Variants in GRID2 observed in about 807,000 individuals in gnomAD.
GRID2 encodes the protein glutamate ionotropic receptor delta type subunit 2, also known as glutamate receptor ionotropic, delta-2.
GRID2 carries 33 observed loss-of-function variants against 114.8 expected under a neutral mutation model. That is an observed-to-expected ratio of 0.29 (90% CI 0.22 to 0.38). The LOEUF (loss-of-function observed/expected upper bound fraction) is 0.38, where lower values mean the gene tolerates loss of function less well. GRID2 is among the 10% of genes least tolerant of loss of function. The pLI, the probability that GRID2 is intolerant of heterozygous loss-of-function variation, is 1.00. For synonymous variants in GRID2, 505 were observed against 449.9 expected, an observed-to-expected ratio of 1.12 and a Z score of -1.55; for missense variants, 1,184 against 1,257.7, an observed-to-expected ratio of 0.94 and a Z score of 0.89.
intron 8 of GRID2, among the ~76,000 whole-genome samples, chr4:93,368,255 A>C (rs1017788366): frequency 6.6e-6 from 1 of 152,150 alleles, no homozygotes; most frequent in Non-Finnish European, 1.5e-5. Flanking sequence ...GAAATAAAAA[A>C]AGTATCTAGA....
intron 13 of GRID2, among the ~76,000 whole-genome samples, chr4:93,596,664 A>G (rs1257308019): frequency 3.9e-5 from 6 of 152,232 alleles, no homozygotes; most frequent in African/African-American, 1.4e-4. Flanking sequence ...AGATGCAAGT[A>G]AAAATTACGT....
chr4:93,628,815 C>T (rs1443830075), intron 14 of GRID2, among the ~76,000 whole-genome samples: 1 of 148,114 alleles, frequency 6.8e-6, no homozygotes, highest in Non-Finnish European at 1.5e-5. Context: ...ACCCAGGCTG[C>T]AGTGCAGTGG....
intron 13 of GRID2, among the ~76,000 whole-genome samples, chr4:93,625,689 G>A (rs934362079): frequency 2.0e-5 from 3 of 152,234 alleles, no homozygotes; most frequent in African/African-American, 7.2e-5. Context: ...GCCGAGGCGG[G>A]CGGATTACGA....
At chr4:93,543,525 T>C (rs946960194) in intron 13 of GRID2, among the ~76,000 whole-genome samples, 1 of 152,080 alleles carries the variant, frequency 6.6e-6, no homozygotes, top group Admixed American at 6.6e-5. Flanking sequence ...CATGAATGAG[T>C]GAAAATAAAA....
intron 1 of GRID2, among the ~76,000 whole-genome samples, chr4:92,565,698 G>A (rs576256477): frequency 6.6e-6 from 1 of 152,024 alleles, no homozygotes; most frequent in East Asian, 1.9e-4. Flanking sequence ...TACTCCTATA[G>A]TGTGTGCTAA....
chr4:92,998,814 G>T (rs1053839208), intron 2 of GRID2, among the ~76,000 whole-genome samples: 10 of 150,650 alleles, frequency 6.6e-5, no homozygotes, highest in African/African-American at 2.4e-4. Context: ...TTATGTTAAA[G>T]AGGATCATTT....
chr4:92,345,498 T>C (rs1262158390), intron 1 of GRID2, among the ~76,000 whole-genome samples: 1 of 152,224 alleles, frequency 6.6e-6, no homozygotes, highest in East Asian at 1.9e-4. Context: ...GATGGACTGA[T>C]AGTTCTACTT....
intron 2 of GRID2, among the ~76,000 whole-genome samples, chr4:92,656,193 A>G (rs537460976): frequency 6.6e-6 from 1 of 151,822 alleles, no homozygotes; most frequent in Admixed American, 6.6e-5. Flanking sequence ...ACATCCTCAC[A>G]CTGACTAGCT....
chr4:92,366,266 A>G (rs577499924), intron 1 of GRID2, among the ~76,000 whole-genome samples: 1 of 152,032 alleles, frequency 6.6e-6, no homozygotes, highest in Non-Finnish European at 1.5e-5. Context: ...AGTTTCCCAT[A>G]TTACATTCCT....
chr4:93,803,987 G>A (rs757093952), intron 1 of GRID2, among the ~76,000 whole-genome samples: 1 of 152,102 alleles, frequency 6.6e-6, no homozygotes, highest in Non-Finnish European at 1.5e-5. Flanking sequence ...TATCTTCAAT[G>A]TTAGGGAGAA....
intron 14 of GRID2, among the ~76,000 whole-genome samples, chr4:93,749,970 G>A (rs1336119001): frequency 3.9e-5 from 6 of 152,210 alleles, no homozygotes; most frequent in Admixed American, 1.3e-4. Context: ...TGCAGGTGAA[G>A]AGATAGGTGC....
At chr4:93,293,824 T>A (rs1359326263) in intron 8 of GRID2, among the ~76,000 whole-genome samples, 1 of 152,168 alleles carries the variant, frequency 6.6e-6, no homozygotes, top group Non-Finnish European at 1.5e-5. Flanking sequence ...TACTATTTAT[T>A]GCGTGCCTAC....
chr4:93,143,877 C>G (rs901689170), intron 4 of GRID2, among the ~76,000 whole-genome samples: 2 of 151,918 alleles, frequency 1.3e-5, no homozygotes, highest in African/African-American at 4.8e-5. Flanking sequence ...GAGCCATGTT[C>G]TAAGTGATTT....
intron 9 of GRID2, among the ~76,000 whole-genome samples, chr4:93,403,794 C>T (rs1163341715): frequency 9.2e-5 from 14 of 152,002 alleles, no homozygotes; most frequent in Non-Finnish European, 1.0e-4. Context: ...TAAAATGGTA[C>T]GACTCCTTCA....
At chr4:92,431,476 A>C (rs2110341149) in intron 1 of GRID2, among the ~76,000 whole-genome samples, 1 of 151,996 alleles carries the variant, frequency 6.6e-6, no homozygotes, top group Middle Eastern at 3.4e-3. Flanking sequence ...ATGATTTTTT[A>C]ATATATTGTT....
chr4:92,595,809 G>C (rs1000419804), intron 2 of GRID2, among the ~76,000 whole-genome samples: 3 of 152,024 alleles, frequency 2.0e-5, no homozygotes, highest in East Asian at 3.8e-4. Flanking sequence ...TTAGGAAAAA[G>C]CACATCTCCA....
chr4:92,682,046 C>T (rs1420661564), intron 2 of GRID2, among the ~76,000 whole-genome samples: 4 of 150,446 alleles, frequency 2.7e-5, no homozygotes, highest in Non-Finnish European at 4.4e-5. Context: ...TAAAGAAAAT[C>T]TTTGAGGCCA....
intron 1 of GRID2, among the ~76,000 whole-genome samples, chr4:92,561,942 A>G (rs993933028): frequency 6.6e-6 from 1 of 152,166 alleles, no homozygotes; most frequent in Non-Finnish European, 1.5e-5. Context: ...TCATAATTCA[A>G]GATATTTATA....
downstream of GRID2, among the ~76,000 whole-genome samples, chr4:93,779,143 C>T (rs1184532136): frequency 1.3e-5 from 2 of 151,716 alleles, no homozygotes; most frequent in Non-Finnish European, 2.9e-5. Context: ...AATTAGGTCT[C>T]TCTCAGCATC....
Sources: allele counts gnomAD v4.1 joint callset (sites outside exome capture counted in the v4.1 genomes callset), GRCh38; gene constraint gnomAD v4.1.1; transcripts MANE v1.5; gene names NCBI Gene and HGNC (gene_info 2026-07-23, HGNC 2026-07-21).